Variants in CAMSAP2 observed in about 807,000 individuals in gnomAD.
CAMSAP2 encodes calmodulin regulated spectrin associated protein family member 2.
A neutral mutation model predicts 146.1 loss-of-function variants in CAMSAP2; 26 were observed. That is an observed-to-expected ratio of 0.18 (90% CI 0.13 to 0.25). The LOEUF is 0.25. CAMSAP2 is among the 10% of genes least tolerant of loss of function. The probability of loss-of-function intolerance (pLI) is 1.00; values close to 1 mark genes in which losing one functional copy is unlikely to be tolerated. For synonymous variants in CAMSAP2, 499 were observed against 596.6 expected (o/e 0.84, Z 2.38); for missense variants, 1,381 against 1,759.3 (o/e 0.78, Z 3.85).
At position 200,817,716 on chromosome 1, in the gene CAMSAP2, A is replaced by G. The variant is rs1666644064; in HGVS notation, c.645+2072A>G. Among the ~76,000 whole-genome samples, 4 of 152,378 alleles carry G rather than the reference A, an allele frequency of 2.6e-5. No homozygotes were observed. The South Asian group carries it at 8.3e-4, about 32-fold the overall frequency. On this transcript the variant is annotated intron_variant, in intron 4 of 16. Transcript: ENST00000358823. ...CTGTCTCTTATCAACTTCAATAGAA[A>G]AATCTTGTGGAGGACCACGTACAAT...
At chr1:200,810,202 A>G (rs1666292021) in intron 3 of CAMSAP2, among the ~76,000 whole-genome samples, 3 of 152,146 alleles carry the variant, frequency 2.0e-5, no homozygotes, top group Non-Finnish European at 2.9e-5. Flanking sequence ...AGGTGATACT[A>G]ATGCTGCTGG....
chr1:200,849,155 G>T lies in CAMSAP2; in HGVS notation c.2386G>T (p.Asp796Tyr). 6.2e-7 allele frequency: 1 copy of T among 1,614,112 alleles called. No individual in the cohort carries two copies. ...AFLTVVKKKG[D>Y]GISPLREEAA... The stretch of plus-strand genomic sequence containing the variant: ...CCTTACTGTAGTGAAAAAGAAAGGG[G>T]ATGGGATATCTCCTCTACGAGAGGA... Residue 796 changes from aspartate to tyrosine, a missense_variant, in exon 11 of 17, where the codon GAT becomes TAT. This residue lies in a region of CAMSAP2 where 560 missense variants were observed against 715.9 expected (regional missense o/e 0.78). Coordinates refer to ENST00000358823, the MANE Select transcript of CAMSAP2 (RefSeq NM_203459.4). The surrounding 1 kb of genome is among the most constrained non-coding windows in gnomAD (Gnocchi z 6.3).
At chr1:200,817,537 G>A (rs912740163) in intron 4 of CAMSAP2, among the ~76,000 whole-genome samples, 5 of 152,090 alleles carry the variant, frequency 3.3e-5, no homozygotes, top group Admixed American at 1.3e-4. Context: ...ATAAGAAATT[G>A]TAATCATTCA....
In CAMSAP2 at chr1:200,858,005, A is replaced by G. The variant is rs778623408; in HGVS notation, c.4383A>G (p.Leu1461=). Residue 1461 remains leucine (L), a synonymous_variant, in exon 17 of 17, where the codon TTA becomes TTG. Coordinates refer to ENST00000358823, the MANE Select transcript of CAMSAP2 (RefSeq NM_203459.4). ...SVDAITIHSH[L]WQTKRPVTPK... ...ATGCAATTACCATTCATAGCCATTT[A>G]TGGCAGACCAAAAGACCAGTAACAC... is the stretch of plus-strand genomic sequence containing the variant. The G allele has an allele frequency of 5.0e-5, 80 of 1,611,530 alleles. No individual in the cohort carries two copies. Among genetic ancestry groups the G allele is most frequent in the Middle Eastern group, 4.9e-4 (3 of 6,076 alleles).
At chr1:200,759,359 A>C (rs1664737343) in intron 1 of CAMSAP2, among the ~76,000 whole-genome samples, 1 of 149,712 alleles carries the variant, frequency 6.7e-6, no homozygotes, top group African/African-American at 2.5e-5. Context: ...ACTCTCTGCA[A>C]CCTCTGCCTC....
chr1:200,781,628 A>G (rs1665433630), intron 2 of CAMSAP2, among the ~76,000 whole-genome samples: 1 of 151,342 alleles, frequency 6.6e-6, no homozygotes, highest in Non-Finnish European at 1.5e-5. Flanking sequence ...TGTATCCTCA[A>G]CCTCCCGGGC....
chr1:200,770,666 G>A (rs1019513951), intron 2 of CAMSAP2, among the ~76,000 whole-genome samples: 3 of 151,942 alleles, frequency 2.0e-5, no homozygotes, highest in East Asian at 1.9e-4. Context: ...CACCCACCTC[G>A]GCCTCCCAAA....
intron 4 of CAMSAP2, among the ~76,000 whole-genome samples, chr1:200,824,106 A>C (rs1252725324): frequency 6.6e-6 from 1 of 152,118 alleles, no homozygotes; most frequent in Non-Finnish European, 1.5e-5. Context: ...CTCCAGGCTC[A>C]TCTTGTTCTT....
chr1:200,852,682 A>G lies in CAMSAP2; in HGVS notation c.3602+5A>G. 2 of 1,610,602 alleles carry G rather than the reference A, an allele frequency of 1.2e-6. No individual in the cohort carries two copies. Among genetic ancestry groups the G allele is most frequent in the Non-Finnish European group, 8.5e-7 (1 of 1,179,140 alleles). On this transcript the variant is annotated splice_donor_5th_base_variant and intron_variant, in intron 12 of 16. Transcript: ENST00000358823. Reference sequence around the variant, plus strand: ...GCATAAGAAGGAGGAAACAAGGTAAAGGAAATTGCTGGCCCAGTGCTAGAT... The same window carrying G: ...GCATAAGAAGGAGGAAACAAGGTAAGGGAAATTGCTGGCCCAGTGCTAGAT...
chr1:200,856,365 A>G (rs561493160), intron 15 of CAMSAP2, among the ~76,000 whole-genome samples: 2 of 152,334 alleles, frequency 1.3e-5, no homozygotes, highest in East Asian at 3.9e-4. Flanking sequence ...TTGGGTCCGA[A>G]GAAGTTTTAG....
chr1:200,746,905 A>C (rs1172329126), intron 1 of CAMSAP2, among the ~76,000 whole-genome samples: 5 of 151,936 alleles, frequency 3.3e-5, no homozygotes, highest in East Asian at 3.9e-4. Flanking sequence ...GGCGTGAGTC[A>C]ACTGCGCCCG....
chr1:200,832,487 T>G lies in CAMSAP2; in HGVS notation c.787+146T>G. On this transcript the variant is annotated intron_variant, in intron 5 of 16. Transcript: ENST00000358823. This position sits in a 1 kb window ranked among gnomAD's most constrained non-coding sequence, Gnocchi z 4.2. ...TATTATTTAATAAGTACTGAAGACT[T>G]TTTTTTAAAAATAAAGAACATTTAT... 1 of 865,126 alleles carries G rather than the reference T, an allele frequency of 1.2e-6. No homozygotes were observed. The highest frequency in any genetic ancestry group is 1.6e-6 in the Non-Finnish European group (1 of 607,784). 53.6% of individuals were successfully genotyped at this position (865,126 alleles called of 1,614,324 possible).
chr1:200,817,185 C>CATATAAGTGTGTGTAT (rs1262119747), intron 4 of CAMSAP2, among the ~76,000 whole-genome samples: 5 of 70,806 alleles, frequency 7.1e-5, no homozygotes, highest in Admixed American at 3.0e-4. Context: ...TATACACACA[C>CATATAAGTGTGTGTAT]ACACATGTGT....
intron 4 of CAMSAP2, among the ~76,000 whole-genome samples, chr1:200,820,657 T>C (rs1666733356): frequency 6.6e-6 from 1 of 152,132 alleles, no homozygotes; most frequent in African/African-American, 2.4e-5. Context: ...TAACCCACTT[T>C]TTTCTCCCTC....
chr1:200,789,017 T>C (rs1665673925), intron 2 of CAMSAP2, among the ~76,000 whole-genome samples: 1 of 152,100 alleles, frequency 6.6e-6, no homozygotes, highest in Non-Finnish European at 1.5e-5. Flanking sequence ...TTGTTAAGGT[T>C]GTTGGCCTGT....
chr1:200,803,489 T>C (rs193122165), intron 2 of CAMSAP2, among the ~76,000 whole-genome samples: 1 of 152,326 alleles, frequency 6.6e-6, no homozygotes, highest in East Asian at 1.9e-4. Context: ...GGAGCTATCA[T>C]AGCTCCAAAC....
intron 1 of CAMSAP2, among the ~76,000 whole-genome samples, chr1:200,742,597 C>A (rs1664212179): frequency 6.6e-6 from 1 of 152,054 alleles, no homozygotes; most frequent in Non-Finnish European, 1.5e-5. Context: ...TAATAGATAG[C>A]ATATTTCAAA....
chr1:200,828,455 T>C (rs1571806640), intron 4 of CAMSAP2: 2 of 915,656 alleles, frequency 2.2e-6, no homozygotes, highest in South Asian at 3.1e-5. Flanking sequence ...TTATGAGAAC[T>C]ATAAACTTGG....
intron 2 of CAMSAP2, among the ~76,000 whole-genome samples, chr1:200,769,982 T>C (rs1465161349): frequency 1.3e-5 from 2 of 152,170 alleles, no homozygotes; most frequent in Non-Finnish European, 2.9e-5. Flanking sequence ...AATGAAAGAC[T>C]ATAACAAGGG....
Sources: allele counts gnomAD v4.1 joint callset (sites outside exome capture counted in the v4.1 genomes callset), GRCh38; gene constraint gnomAD v4.1.1; regional missense constraint gnomAD v4.1.1; non-coding constraint Gnocchi (gnomAD v3.1); transcripts MANE v1.5; gene names NCBI Gene and HGNC (gene_info 2026-07-23, HGNC 2026-07-21).